The following ERBB4 variants were observed in gnomAD, a reference collection of about 807,000 sequenced individuals.
ERBB4 encodes erb-b2 receptor tyrosine kinase 4, also known as receptor tyrosine-protein kinase erbB-4.
Under a neutral mutation model 158.0 loss-of-function variants are expected in ERBB4, and 42 were observed. The ratio of observed to expected loss-of-function variants is 0.27; its 90% CI spans 0.21 to 0.34. The LOEUF (loss-of-function observed/expected upper bound fraction) is 0.34, where lower values mean the gene tolerates loss of function less well. Among genes scored for constraint, ERBB4 ranks in the 10% least tolerant of loss-of-function variants. ERBB4 has a pLI of 1.00. For missense variants in ERBB4, 1,333 were observed against 1,624.1 expected (o/e 0.82, Z 3.08); for synonymous variants, 583 against 558.7 (o/e 1.04, Z -0.61).
At chr2:212,133,394 GTGTTTTTTTT>G (rs1462456637) in intron 1 of ERBB4, among the ~76,000 whole-genome samples, 1 of 141,926 alleles carries the variant, frequency 7.0e-6, no homozygotes, top group Non-Finnish European at 1.5e-5. Flanking sequence ...TTTCATTTTG[GTGTTTTTTTT>G]TTGTTTTGTT....
At chr2:212,338,350 G>A (rs549820617) in intron 1 of ERBB4, among the ~76,000 whole-genome samples, 1 of 152,036 alleles carries the variant, frequency 6.6e-6, no homozygotes, top group Non-Finnish European at 1.5e-5. Context: ...TCCCAAAGTG[G>A]TTCCTCAAGC....
intron 1 of ERBB4, among the ~76,000 whole-genome samples, chr2:212,216,630 GA>G (rs1218815500): frequency 6.6e-6 from 1 of 151,116 alleles, no homozygotes; most frequent in Non-Finnish European, 1.5e-5. Context: ...CACAAAAAAA[GA>G]AAAAAATAGG....
At chr2:211,920,963 C>T (rs2079844064) in intron 3 of ERBB4, among the ~76,000 whole-genome samples, 1 of 151,800 alleles carries the variant, frequency 6.6e-6, no homozygotes, top group Admixed American at 6.6e-5. Flanking sequence ...ATTTGACACA[C>T]TACAATCTAC....
chr2:212,510,848 G>A lies in ERBB4; in HGVS notation c.82+27601C>T, dbSNP rs746223563. 7.9e-4 allele frequency among the ~76,000 whole-genome samples: 120 copies of A among 151,926 alleles called. 1 individual carries two copies. The highest frequency in any genetic ancestry group is 2.2e-3 in the African/African-American group (93 of 41,396). ...TAGCCATTTTGTAGTTCAAGTGCCC[G>A]TTAATAAATAGAAAACTAAAGAAAG... is the stretch of plus-strand genomic sequence containing the variant. On this transcript the variant is annotated intron_variant, in intron 1 of 27. Transcript: ENST00000342788.
chr2:211,734,944 T>C (rs1462406276), intron 5 of ERBB4, among the ~76,000 whole-genome samples: 1 of 148,250 alleles, frequency 6.7e-6, no homozygotes. Context: ...CGGATTGTTC[T>C]CTATGTCCTG....
At chr2:212,495,984 A>G (rs989360654) in intron 1 of ERBB4, among the ~76,000 whole-genome samples, 2 of 152,120 alleles carry the variant, frequency 1.3e-5, no homozygotes, top group Non-Finnish European at 2.9e-5. Context: ...TATATTTGGT[A>G]TTACTTGATA....
chr2:212,323,387 A>G (rs1390496183), intron 1 of ERBB4, among the ~76,000 whole-genome samples: 3 of 150,568 alleles, frequency 2.0e-5, no homozygotes, highest in African/African-American at 4.8e-5. Context: ...GAATGCTGCT[A>G]TATCTTTTTT....
chr2:211,412,618 T>A (rs1317344995), intron 25 of ERBB4, among the ~76,000 whole-genome samples: 1 of 152,148 alleles, frequency 6.6e-6, no homozygotes, highest in Non-Finnish European at 1.5e-5. Flanking sequence ...TAGCCTATGA[T>A]AAACATTCAA....
At chr2:211,404,077 TAA>T (rs2063099334) in intron 25 of ERBB4, among the ~76,000 whole-genome samples, 1 of 152,094 alleles carries the variant, frequency 6.6e-6, no homozygotes, top group Non-Finnish European at 1.5e-5. Context: ...GAAAAAGAAA[TAA>T]GTTACTTATA....
chr2:211,977,474 C>A (rs995811877), intron 2 of ERBB4, among the ~76,000 whole-genome samples: 3 of 140,996 alleles, frequency 2.1e-5, no homozygotes, highest in African/African-American at 7.8e-5. Flanking sequence ...CTCAGAGTGC[C>A]TTTTTTCCCT....
At chr2:212,162,837 T>C (rs1470803002) in intron 1 of ERBB4, among the ~76,000 whole-genome samples, 1 of 151,984 alleles carries the variant, frequency 6.6e-6, no homozygotes, top group South Asian at 2.1e-4. Context: ...CAATCTGATT[T>C]ACCTTCTAAT....
At chr2:211,702,955 T>A (rs2073306644) in intron 11 of ERBB4, among the ~76,000 whole-genome samples, 2 of 152,142 alleles carry the variant, frequency 1.3e-5, no homozygotes, top group Admixed American at 1.3e-4. Flanking sequence ...TACTTTTTTT[T>A]ACTTATTTAC....
intron 2 of ERBB4, among the ~76,000 whole-genome samples, chr2:212,025,309 C>T (rs2076748619): frequency 6.6e-6 from 1 of 151,726 alleles, no homozygotes; most frequent in Non-Finnish European, 1.5e-5. Flanking sequence ...AGCCCACTAC[C>T]TAGTATCACC....
At chr2:212,003,200 A>G (rs1327080530) in intron 2 of ERBB4, among the ~76,000 whole-genome samples, 3 of 58,610 alleles carry the variant, frequency 5.1e-5, no homozygotes, top group Non-Finnish European at 4.6e-5. Flanking sequence ...AAAGAAAGAA[A>G]GAAAGACAGA....
At chr2:211,840,548 A>G (rs1170932078) in intron 3 of ERBB4, among the ~76,000 whole-genome samples, 3 of 152,076 alleles carry the variant, frequency 2.0e-5, no homozygotes, top group Non-Finnish European at 4.4e-5. Context: ...TAACCTCACA[A>G]AAAGCATAAA....
At chr2:212,180,595 T>A (rs2081827681) in intron 1 of ERBB4, among the ~76,000 whole-genome samples, 1 of 151,682 alleles carries the variant, frequency 6.6e-6, no homozygotes, top group Non-Finnish European at 1.5e-5. Flanking sequence ...AACAAAGCAT[T>A]ATGCTGAATC....
chr2:211,527,318 C>A (rs1452470784), intron 20 of ERBB4, among the ~76,000 whole-genome samples: 1 of 151,952 alleles, frequency 6.6e-6, no homozygotes, highest in Non-Finnish European at 1.5e-5. Flanking sequence ...AAAAAAACCC[C>A]AACTTTTAGC....
intron 1 of ERBB4, among the ~76,000 whole-genome samples, chr2:212,135,194 T>C (rs2080234384): frequency 1.3e-5 from 2 of 152,156 alleles, no homozygotes; most frequent in Non-Finnish European, 2.9e-5. Flanking sequence ...TTGATTACAA[T>C]AGTCTTTGAG....
chr2:211,495,936 CTTCTAT>C (rs1225807086), intron 20 of ERBB4, among the ~76,000 whole-genome samples: 3 of 151,950 alleles, frequency 2.0e-5, no homozygotes, highest in African/African-American at 4.8e-5. Context: ...GGGTTGTCCT[CTTCTAT>C]TTCTATGATC....
Sources: gnomAD v4.1 joint callset for allele counts (sites outside exome capture counted in the v4.1 genomes callset) on GRCh38, gnomAD v4.1.1 for gene constraint, MANE v1.5 for transcripts, NCBI Gene and HGNC (gene_info 2026-07-23, HGNC 2026-07-21) for gene names.